Variants in EXT2 observed in about 807,000 individuals in gnomAD.
EXT2 encodes exostosin-2.
In EXT2, 53 loss-of-function variants were observed where a neutral mutation model predicts 81.6. The ratio of observed to expected loss-of-function variants is 0.65; its 90% CI spans 0.52 to 0.82. The LOEUF (loss-of-function observed/expected upper bound fraction) is 0.82. Among genes scored for constraint, EXT2 ranks in the 40% least tolerant of loss-of-function variants. The pLI, the probability that EXT2 is intolerant of heterozygous loss-of-function variation, is 0.00. For synonymous variants in EXT2, 320 were observed against 340.0 expected, an observed-to-expected ratio of 0.94 and a Z score of 0.65; for missense variants, 774 against 910.2, an observed-to-expected ratio of 0.85 and a Z score of 1.93.
intron 10 of EXT2, among the ~76,000 whole-genome samples, chr11:44,232,029 A>AT (rs1955904897): frequency 6.6e-6 from 1 of 152,154 alleles, no homozygotes; most frequent in African/African-American, 2.4e-5. Flanking sequence ...TTGTGAATTC[A>AT]TTAAGAATGG....
intron 10 of EXT2, among the ~76,000 whole-genome samples, chr11:44,208,995 A>G (rs1955615965): frequency 6.6e-6 from 1 of 152,230 alleles, no homozygotes; most frequent in African/African-American, 2.4e-5. Context: ...TACCCCTACC[A>G]TTGGTGCTTT....
At chr11:44,134,728 A>G (rs977587433) in intron 7 of EXT2, among the ~76,000 whole-genome samples, 2 of 152,216 alleles carry the variant, frequency 1.3e-5, no homozygotes, top group Non-Finnish European at 1.5e-5. Flanking sequence ...ATGGATCCCC[A>G]GTTTATCTGT....
At position 44,109,275 on chromosome 11, in the gene EXT2, C is replaced by A. The variant is rs776558653; in HGVS notation, c.618C>A (p.Pro206=). The A allele has an allele frequency of 6.2e-7, 1 of 1,613,978 alleles. No homozygotes were observed. The highest frequency in any genetic ancestry group is 1.1e-5 in the South Asian group (1 of 91,070). ...PPDYNTALDV[P]RDRALLAGGG... ...ATTATAACACAGCCCTGGATGTCCC[C>A]AGAGACAGGTAGGAGGCATATTTGG... The change falls in exon 3 of 14, where the codon CCC becomes CCA. Residue 206 remains proline, a synonymous_variant. Coordinates refer to ENST00000533608, the MANE Select transcript of EXT2 (RefSeq NM_207122.2).
At chr11:44,126,330 G>A (rs777460330) in intron 5 of EXT2, among the ~76,000 whole-genome samples, 1 of 152,126 alleles carries the variant, frequency 6.6e-6, no homozygotes, top group Non-Finnish European at 1.5e-5. Flanking sequence ...TAGATGCTAT[G>A]GGGGGTAGAA....
intron 7 of EXT2, among the ~76,000 whole-genome samples, chr11:44,146,906 A>G (rs1267675399): frequency 2.0e-5 from 3 of 152,228 alleles, no homozygotes; most frequent in African/African-American, 7.2e-5. Context: ...AAAAGATTTA[A>G]TAATACAGAA....
intron 3 of EXT2, among the ~76,000 whole-genome samples, chr11:44,113,899 G>C (rs1954181162): frequency 6.6e-6 from 1 of 152,132 alleles, no homozygotes; most frequent in Admixed American, 6.5e-5. Context: ...GAGGGAGGTA[G>C]CAGAGAGGCT....
intron 3 of EXT2, among the ~76,000 whole-genome samples, chr11:44,110,732 T>C (rs887042433): frequency 6.6e-6 from 1 of 152,240 alleles, no homozygotes; most frequent in African/African-American, 2.4e-5. Context: ...CGATTTCATT[T>C]GTCTGCAGGA....
chr11:44,244,352 C>A lies in EXT2; in HGVS notation c.*65C>A. On this transcript the variant is annotated 3_prime_UTR_variant, in exon 14 of 14. Coordinates refer to ENST00000533608, the MANE Select transcript of EXT2 (RefSeq NM_207122.2). ...AGAGGGAGAGAACAAGGCCTCCCAG[C>A]ACTCTGATGTCAGAGTAGTAGGTTA... 3 of 1,566,524 alleles carry A rather than the reference C, an allele frequency of 1.9e-6. No homozygotes were observed. Among genetic ancestry groups the A allele is most frequent in the Non-Finnish European group, 2.6e-6 (3 of 1,137,244 alleles).
At chr11:44,133,904 A>G (rs116010098) in intron 7 of EXT2, among the ~76,000 whole-genome samples, 502 of 152,354 alleles carry the variant, frequency 3.3e-3, no homozygotes, top group African/African-American at 0.012. Context: ...GTGTGTACCA[A>G]GGGAGAAAGT....
intron 1 of EXT2, among the ~76,000 whole-genome samples, chr11:44,100,559 T>C (rs1231650538): frequency 6.6e-6 from 1 of 152,190 alleles, no homozygotes; most frequent in African/African-American, 2.4e-5. Flanking sequence ...CTCTTGTTAT[T>C]TTCCTTAGAA....
intron 7 of EXT2, among the ~76,000 whole-genome samples, chr11:44,133,513 T>G (rs2135038169): frequency 6.6e-6 from 1 of 152,330 alleles, no homozygotes; most frequent in South Asian, 2.1e-4. Context: ...TTAATGGAGC[T>G]GCATTGGACA....
At chr11:44,219,049 C>T (rs1165648196) in intron 10 of EXT2, among the ~76,000 whole-genome samples, 2 of 152,002 alleles carry the variant, frequency 1.3e-5, no homozygotes, top group Admixed American at 6.5e-5. Flanking sequence ...GATCTGCCCG[C>T]CTCGGCCTCC....
intron 1 of EXT2, among the ~76,000 whole-genome samples, chr11:44,102,241 G>A (rs759985802): frequency 1.3e-5 from 2 of 152,118 alleles, no homozygotes; most frequent in Non-Finnish European, 2.9e-5. Context: ...TTGAATATAG[G>A]GTTCGGGCTG....
At chr11:44,181,975 G>T (rs1224920569) in intron 8 of EXT2, among the ~76,000 whole-genome samples, 1 of 152,106 alleles carries the variant, frequency 6.6e-6, no homozygotes, top group Non-Finnish European at 1.5e-5. Flanking sequence ...CTAAGTATTG[G>T]CATCCATGGG....
At chr11:44,154,236 A>G (rs535378978) in intron 7 of EXT2, among the ~76,000 whole-genome samples, 3 of 152,046 alleles carry the variant, frequency 2.0e-5, no homozygotes, top group Non-Finnish European at 4.4e-5. Flanking sequence ...ACTATATCTT[A>G]TTTATTCTAT....
At chr11:44,146,794 T>C (rs1351850156) in intron 7 of EXT2, among the ~76,000 whole-genome samples, 1 of 152,258 alleles carries the variant, frequency 6.6e-6, no homozygotes, top group Non-Finnish European at 1.5e-5. Flanking sequence ...AAATTTTGCA[T>C]ATCACAGTTT....
intron 4 of EXT2, among the ~76,000 whole-genome samples, chr11:44,121,583 C>T (rs917460630): frequency 6.6e-6 from 1 of 151,996 alleles, no homozygotes; most frequent in African/African-American, 2.4e-5. Flanking sequence ...CCCCTGCCCC[C>T]ACACTGCACA....
intron 13 of EXT2, 51 bp downstream of exon 13, chr11:44,236,426 C>G: frequency 6.5e-7 from 1 of 1,541,926 alleles, no homozygotes; most frequent in Non-Finnish European, 8.9e-7. Flanking sequence ...TCTCTATTTC[C>G]TGCCTTAGGC....
At chr11:44,154,207 C>T (rs61879079) in intron 7 of EXT2, among the ~76,000 whole-genome samples, 39,504 of 151,900 alleles carry the variant, frequency 0.26, 6,023 homozygotes, top group Admixed American at 0.42. Flanking sequence ...ACTATAGTCA[C>T]TCTGTTGCAC....
Sources: gnomAD v4.1 joint callset for allele counts (sites outside exome capture counted in the v4.1 genomes callset) on GRCh38, gnomAD v4.1.1 for gene constraint, MANE v1.5 for transcripts, NCBI Gene and HGNC (gene_info 2026-07-23, HGNC 2026-07-21) for gene names.